The following UNC5C variants were observed in gnomAD, a reference collection of about 807,000 sequenced individuals.
The protein encoded by UNC5C is unc-5 netrin receptor C, also known as netrin receptor UNC5C.
Under a neutral mutation model 99.8 loss-of-function variants are expected in UNC5C, and 47 were observed. The ratio of observed to expected loss-of-function variants is 0.47; its 90% confidence interval spans 0.37 to 0.60. UNC5C has a LOEUF of 0.60. Among genes scored for constraint, UNC5C ranks in the 20% least tolerant of loss-of-function variants. The pLI is 0.00. For missense variants in UNC5C, 1,062 were observed against 1,165.9 expected (o/e 0.91, Z 1.30); for synonymous variants, 487 against 452.2 (o/e 1.08, Z -0.98).
intron 1 of UNC5C, among the ~76,000 whole-genome samples, chr4:95,502,284 T>A (rs188571602): frequency 1.1e-4 from 16 of 152,274 alleles, no homozygotes; most frequent in Non-Finnish European, 1.5e-4. Flanking sequence ...AACTTTTTTT[T>A]AAAGAGGCAG....
chr4:95,302,198 A>G lies in UNC5C; in HGVS notation c.347-449T>C, dbSNP rs1741906476. Among the ~76,000 whole-genome samples the G allele has an allele frequency of 2.0e-5, 3 of 152,350 alleles. No individual in the cohort carries two copies. The South Asian group carries it at 6.2e-4, about 32-fold the overall frequency. On this transcript the variant is annotated intron_variant, in intron 2 of 15. Transcript: ENST00000453304. ...TATTTAATAACTAAATTACTTTAGCAGTTGTGTTTCAATTAAATGGCACAT... is the reference window on the plus strand; with the variant it reads ...TATTTAATAACTAAATTACTTTAGCGGTTGTGTTTCAATTAAATGGCACAT...
chr4:95,408,628 A>T (rs1218829867), intron 1 of UNC5C, among the ~76,000 whole-genome samples: 1 of 152,202 alleles, frequency 6.6e-6, no homozygotes, highest in Non-Finnish European at 1.5e-5. Context: ...TTTAATAAGA[A>T]AGAGAATCAA....
chr4:95,230,308 ATTTG>A (rs1738865750), intron 7 of UNC5C, among the ~76,000 whole-genome samples: 2 of 151,972 alleles, frequency 1.3e-5, no homozygotes, highest in Admixed American at 1.3e-4. Flanking sequence ...TTTCTTATAA[ATTTG>A]TTTAAGTTCC....
At chr4:95,215,267 C>T (rs1049036064) in intron 10 of UNC5C, among the ~76,000 whole-genome samples, 10 of 152,170 alleles carry the variant, frequency 6.6e-5, no homozygotes, top group Non-Finnish European at 1.3e-4. Flanking sequence ...GCTGAGGAGC[C>T]GATGCTCTTC....
chr4:95,320,107 A>G (rs750359585), intron 2 of UNC5C, among the ~76,000 whole-genome samples: 15 of 152,158 alleles, frequency 9.9e-5, no homozygotes, highest in Non-Finnish European at 1.9e-4. Context: ...TGACAACCCC[A>G]AACTTTTAAA....
chr4:95,516,152 G>T (rs898686175), intron 1 of UNC5C, among the ~76,000 whole-genome samples: 1 of 152,092 alleles, frequency 6.6e-6, no homozygotes, highest in Non-Finnish European at 1.5e-5. Flanking sequence ...TATGTTTTCA[G>T]ATTGAATCCT....
At position 95,448,194 on chromosome 4, in the gene UNC5C, GTGTCTC is replaced by G. The variant is rs199634681; in HGVS notation, c.124+100534_124+100539del. Among the ~76,000 whole-genome samples the G allele has an allele frequency of 1.4e-3, 159 of 111,150 alleles. 9 individuals are homozygous for G. The highest frequency in any genetic ancestry group is 2.5e-3 in the African/African-American group (67 of 26,646). The allele number at this position is 111,150 out of a possible 152,430, so 72.9% of individuals were successfully genotyped here. A position where few individuals can be genotyped will look rare whatever the true frequency, so the allele number is the denominator to read the frequency against. ...AAGTATTCAAGTTTTGCTAATGTGT[GTGTCTC>G]TGTGTGTGTGTGTGTGTGTGTGTGT... On this transcript the variant is annotated intron_variant, in intron 1 of 15. Coordinates refer to ENST00000453304, the MANE Select transcript of UNC5C (RefSeq NM_003728.4).
At chr4:95,374,781 T>A (rs978871104) in intron 1 of UNC5C, among the ~76,000 whole-genome samples, 3 of 152,104 alleles carry the variant, frequency 2.0e-5, no homozygotes, top group Non-Finnish European at 2.9e-5. Flanking sequence ...GCAGTCAGAC[T>A]CCTTCTCAAG....
At chr4:95,474,653 T>A (rs924861512) in intron 1 of UNC5C, among the ~76,000 whole-genome samples, 1 of 152,192 alleles carries the variant, frequency 6.6e-6, no homozygotes, top group South Asian at 2.1e-4. Context: ...TGGGACCAGA[T>A]AATGTGGAAA....
At chr4:95,231,766 G>A (rs180688426) in intron 7 of UNC5C, among the ~76,000 whole-genome samples, 2 of 152,116 alleles carry the variant, frequency 1.3e-5, no homozygotes, top group Non-Finnish European at 2.9e-5. Flanking sequence ...GATGTCAAAG[G>A]TCAGGTCTGT....
chr4:95,504,824 T>A (rs1159637513), intron 1 of UNC5C, among the ~76,000 whole-genome samples: 3 of 152,118 alleles, frequency 2.0e-5, no homozygotes, highest in Non-Finnish European at 4.4e-5. Flanking sequence ...TCAACTAATG[T>A]CTTTGCCCTA....
chr4:95,334,583 T>C (rs10516964), intron 2 of UNC5C, among the ~76,000 whole-genome samples: 26,421 of 151,916 alleles, frequency 0.17, 2,475 homozygotes, highest in African/African-American at 0.21. Flanking sequence ...ATGTTTCCAA[T>C]TTAAAAGAAC....
intron 1 of UNC5C, among the ~76,000 whole-genome samples, chr4:95,454,142 G>T (rs916136959): frequency 2.6e-5 from 4 of 151,972 alleles, no homozygotes; most frequent in Non-Finnish European, 5.9e-5. Context: ...CCTTTAAAAT[G>T]GTTATTATGT....
chr4:95,409,108 C>T (rs1289882716), intron 1 of UNC5C, among the ~76,000 whole-genome samples: 1 of 152,136 alleles, frequency 6.6e-6, no homozygotes, highest in Non-Finnish European at 1.5e-5. Context: ...AATGCTTTAT[C>T]CTCACATAGT....
At chr4:95,391,662 GAC>G (rs1451718374) in intron 1 of UNC5C, among the ~76,000 whole-genome samples, 1 of 149,394 alleles carries the variant, frequency 6.7e-6, no homozygotes, top group Non-Finnish European at 1.5e-5. Context: ...TGATTTAGTA[GAC>G]AGTGTCATAA....
intron 1 of UNC5C, among the ~76,000 whole-genome samples, chr4:95,343,662 T>C (rs1743662029): frequency 1.3e-5 from 2 of 151,956 alleles, no homozygotes; most frequent in African/African-American, 4.8e-5. Context: ...AATAACTGCT[T>C]TGAGGAAGTT....
intron 1 of UNC5C, among the ~76,000 whole-genome samples, chr4:95,374,397 C>CAGAT (rs1372406042): frequency 6.6e-6 from 1 of 152,024 alleles, no homozygotes; most frequent in African/African-American, 2.4e-5. Flanking sequence ...TTTCAATGAC[C>CAGAT]AGATTCCTTA....
chr4:95,420,672 TA>T (rs1482284395), intron 1 of UNC5C, among the ~76,000 whole-genome samples: 2 of 152,056 alleles, frequency 1.3e-5, no homozygotes, highest in Non-Finnish European at 2.9e-5. Flanking sequence ...CTGGTTTCAA[TA>T]AAAAGGTAGA....
chr4:95,375,816 G>A (rs917012051), intron 1 of UNC5C, among the ~76,000 whole-genome samples: 6 of 152,136 alleles, frequency 3.9e-5, no homozygotes, highest in African/African-American at 1.2e-4. Flanking sequence ...GGTGGCTCAC[G>A]CCTGTAATCC....
Sources: allele counts gnomAD v4.1 joint callset (sites outside exome capture counted in the v4.1 genomes callset), GRCh38; gene constraint gnomAD v4.1.1; transcripts MANE v1.5; gene names NCBI Gene and HGNC (gene_info 2026-07-23, HGNC 2026-07-21).